Variants in STK4 observed in about 807,000 individuals in gnomAD.
STK4 encodes serine/threonine kinase 4.
In STK4, 30 loss-of-function variants were observed where a neutral mutation model predicts 64.9. The observed-to-expected ratio is 0.46, with a 90% CI of 0.35 to 0.63. The LOEUF (loss-of-function observed/expected upper bound fraction) is 0.63, where lower values mean the gene tolerates loss of function less well. Among genes scored for constraint, STK4 ranks in the 20% least tolerant of loss-of-function variants. The pLI, the probability that STK4 is intolerant of heterozygous loss-of-function variation, is 0.01. For synonymous variants in STK4, 177 were observed against 199.0 expected (o/e 0.89, Z 0.93); for missense variants, 466 against 598.5 (o/e 0.78, Z 2.31).
chr20:44,972,284 G>A lies in STK4; in HGVS notation c.116+126G>A. On this transcript the variant is annotated intron_variant, in intron 2 of 10. Transcript: ENST00000372806. ...GGTGGAAGGTAAATTTACAGCTTGT[G>A]ATGTCCTTCTTCGCTTTACTCCAAT... 6 of 787,442 alleles carry A rather than the reference G, an allele frequency of 7.6e-6. No homozygotes were observed. The South Asian group carries it at 1.0e-4, about 13-fold the overall frequency. 48.8% of individuals were successfully genotyped at this position (787,442 alleles called of 1,614,324 possible).
intron 4 of STK4, 113 bp from the exon 5 acceptor site, chr20:44,987,019 C>G (rs922665378): frequency 1.3e-5 from 11 of 833,274 alleles, no homozygotes; most frequent in Non-Finnish European, 2.0e-5. Flanking sequence ...ATGCTGTTCA[C>G]AGGTTGAATA....
chr20:45,040,632 CCTT>C (rs2068598331), intron 10 of STK4, among the ~76,000 whole-genome samples: 1 of 138,362 alleles, frequency 7.2e-6, no homozygotes. Flanking sequence ...TGGAAACAGA[CCTT>C]TTTTTTTTTT....
At chr20:45,061,755 C>T (rs946211877) in intron 10 of STK4, among the ~76,000 whole-genome samples, 2 of 151,834 alleles carry the variant, frequency 1.3e-5, no homozygotes, top group African/African-American at 4.8e-5. Flanking sequence ...TTCTCCCACT[C>T]TCCACCCTCC....
intron 9 of STK4, among the ~76,000 whole-genome samples, chr20:45,007,291 G>A (rs151036571): frequency 1.3e-5 from 2 of 152,290 alleles, no homozygotes; most frequent in East Asian, 1.9e-4. Context: ...AGTAGCTCAC[G>A]CCTGTAATCC....
At chr20:45,065,423 T>A (rs889523080) in intron 10 of STK4, among the ~76,000 whole-genome samples, 1 of 152,174 alleles carries the variant, frequency 6.6e-6, no homozygotes, top group Non-Finnish European at 1.5e-5. Context: ...GTTTTTGTTT[T>A]TGTTTTTTGG....
chr20:45,008,227 G>A (rs902304638), intron 9 of STK4, among the ~76,000 whole-genome samples: 2 of 152,172 alleles, frequency 1.3e-5, no homozygotes, highest in African/African-American at 4.8e-5. Flanking sequence ...GCTAATTTTT[G>A]TATTTTTAGT....
At chr20:45,036,509 G>A (rs2068529452) in intron 10 of STK4, among the ~76,000 whole-genome samples, 1 of 152,132 alleles carries the variant, frequency 6.6e-6, no homozygotes, top group Admixed American at 6.6e-5. Context: ...TCCCCAGCGT[G>A]CGAGAGTAGC....
chr20:45,073,903 C>T (rs148103098), intron 10 of STK4, among the ~76,000 whole-genome samples: 2 of 152,222 alleles, frequency 1.3e-5, no homozygotes, highest in Admixed American at 1.3e-4. Flanking sequence ...TTAATTCTTA[C>T]AATACATGTG....
chr20:45,059,146 A>G (rs565666289), intron 10 of STK4, among the ~76,000 whole-genome samples: 6 of 152,260 alleles, frequency 3.9e-5, no homozygotes, highest in African/African-American at 4.8e-5. Context: ...TCCCTTTTCT[A>G]TCTTAACCAA....
rs116563478 is a variant in STK4, at chr20:44,993,386, T to C, written c.526-1704T>C. ...GGTTAGTGTACACTCATTGCTCTTA[T>C]TAATTTTCAAAAACTTTCTAGCTAT... On this transcript the variant is annotated intron_variant, in intron 5 of 10. Coordinates refer to ENST00000372806, the MANE Select transcript of STK4 (RefSeq NM_006282.5). Among the ~76,000 whole-genome samples, 877 of 152,318 alleles carry C rather than the reference T, an allele frequency of 5.8e-3. 10 individuals are homozygous for C. Among genetic ancestry groups the C allele is most frequent in the African/African-American group, 0.02 (811 of 41,576 alleles).
At chr20:45,004,154 G>GGT (rs2067892092) in intron 9 of STK4, among the ~76,000 whole-genome samples, 1 of 152,020 alleles carries the variant, frequency 6.6e-6, no homozygotes, top group Admixed American at 6.6e-5. Context: ...GGAGTGCAGT[G>GGT]GTGTGATCTT....
At chr20:45,035,289 T>C (rs186387534) in intron 10 of STK4, among the ~76,000 whole-genome samples, 91 of 152,272 alleles carry the variant, frequency 6.0e-4, no homozygotes, top group Middle Eastern at 6.8e-3. Context: ...TATATCAATA[T>C]ATTACTTGCT....
In STK4 at chr20:45,001,259, C is replaced by T. The variant is rs769729809; in HGVS notation, c.1053C>T (p.Ala351=). ...TAGCCAGCACCATGACTGATGGAGC[C>T]AATACTATGATTGAGCACGATGACA... The part of the protein sequence containing the change: ...VRVASTMTDG[A]NTMIEHDDTL... Residue 351 remains alanine, a synonymous_variant, in exon 9 of 11, where the codon GCC becomes GCT. Transcript: ENST00000372806. The T allele has an allele frequency of 6.2e-7, 1 of 1,614,060 alleles. No individual in the cohort carries two copies. The highest frequency in any genetic ancestry group is 2.2e-5 in the East Asian group (1 of 44,886).
intron 8 of STK4, among the ~76,000 whole-genome samples, 170 bp from the exon 9 acceptor site, chr20:45,000,997 A>G (rs538822820): frequency 1.3e-5 from 2 of 152,312 alleles, no homozygotes; most frequent in East Asian, 3.9e-4. Context: ...CACGTGGATA[A>G]ATTTGTCTTC....
chr20:45,073,074 G>A (rs1980213859), intron 10 of STK4, among the ~76,000 whole-genome samples: 1 of 152,170 alleles, frequency 6.6e-6, no homozygotes, highest in African/African-American at 2.4e-5. Flanking sequence ...TACAGATTTA[G>A]GACCTGTGAT....
At chr20:45,043,966 C>G (rs968204232) in intron 10 of STK4, among the ~76,000 whole-genome samples, 14 of 152,238 alleles carry the variant, frequency 9.2e-5, no homozygotes, top group African/African-American at 2.9e-4. Flanking sequence ...GATACATTCC[C>G]AAAGAATACT....
chr20:45,004,039 A>T (rs1292406518), intron 9 of STK4, among the ~76,000 whole-genome samples: 1 of 151,982 alleles, frequency 6.6e-6, no homozygotes, highest in Non-Finnish European at 1.5e-5. Context: ...CTTTAAAAAA[A>T]TGATAACTGT....
chr20:45,041,376 G>A (rs2068611052), intron 10 of STK4, among the ~76,000 whole-genome samples: 1 of 151,928 alleles, frequency 6.6e-6, no homozygotes, highest in Non-Finnish European at 1.5e-5. Context: ...TAACAGTAGT[G>A]TCCTGTCCAT....
At position 45,076,274 on chromosome 20, in the gene STK4, A is replaced by T. The variant is rs1157512645; in HGVS notation, c.*1098A>T. 6.6e-6 allele frequency: 1 copy of T among 152,226 alleles called. No homozygotes were observed. The highest frequency in any genetic ancestry group is 2.4e-5 in the African/African-American group (1 of 41,446). 9.4% of individuals were successfully genotyped at this position (152,226 alleles called of 1,614,324 possible). On this transcript the variant is annotated 3_prime_UTR_variant, in exon 11 of 11. Coordinates refer to ENST00000372806, the MANE Select transcript of STK4 (RefSeq NM_006282.5). This position sits in a 1 kb window ranked among gnomAD's most constrained non-coding sequence, Gnocchi z 4.0. Reference sequence around the variant, plus strand: ...TGAACACACAGAATGTCAGAGCTGGAAGGGACTATAGAGATCATCTGATCT... The same window carrying T: ...TGAACACACAGAATGTCAGAGCTGGTAGGGACTATAGAGATCATCTGATCT...
Sources: allele counts gnomAD v4.1 joint callset (sites outside exome capture counted in the v4.1 genomes callset), GRCh38; gene constraint gnomAD v4.1.1; non-coding constraint Gnocchi (gnomAD v3.1); transcripts MANE v1.5; gene names NCBI Gene and HGNC (gene_info 2026-07-23, HGNC 2026-07-21).